RASGRP1: variants seen among roughly 807,000 people sequenced by gnomAD.
RASGRP1 encodes the protein RAS guanyl-releasing protein 1.
RASGRP1 carries 37 observed loss-of-function variants against 95.1 expected under a neutral mutation model. The ratio of observed to expected loss-of-function variants is 0.39; its 90% CI spans 0.30 to 0.51. The LOEUF is 0.51. Among genes scored for constraint, RASGRP1 ranks in the 20% least tolerant of loss-of-function variants. RASGRP1 has a pLI of 0.80. For synonymous variants in RASGRP1, 325 were observed against 353.4 expected (o/e 0.92, Z 0.90); for missense variants, 711 against 965.4 (o/e 0.74, Z 3.49).
intron 4 of RASGRP1, 124 bp downstream of exon 4, chr15:38,519,185 G>A: frequency 1.7e-6 from 1 of 605,022 alleles, no homozygotes; most frequent in Non-Finnish European, 2.7e-6. Context: ...TGTTATGAAG[G>A]ACTACCCTTT....
chr15:38,505,311 G>A (rs1377497607), intron 10 of RASGRP1, among the ~76,000 whole-genome samples: 1 of 152,142 alleles, frequency 6.6e-6, no homozygotes, highest in East Asian at 1.9e-4. Flanking sequence ...CAGCATAGGA[G>A]GTCAAAAGAC....
At chr15:38,502,495 A>T in intron 11 of RASGRP1, 74 bp from the exon 12 acceptor site, 1 of 913,322 alleles carries the variant, frequency 1.1e-6, no homozygotes, top group Non-Finnish European at 1.7e-6. Flanking sequence ...AATGACAAAG[A>T]GCTGGGGCAG....
chr15:38,499,203 T>G, intron 14 of RASGRP1: 1 of 618,070 alleles, frequency 1.6e-6, no homozygotes, highest in South Asian at 1.6e-5. Context: ...GAAGAGATGG[T>G]GTCCTGGTAT....
chr15:38,525,064 T>C (rs1892163078), intron 3 of RASGRP1, among the ~76,000 whole-genome samples: 2 of 151,538 alleles, frequency 1.3e-5, no homozygotes, highest in South Asian at 2.1e-4. Flanking sequence ...ACTTCCCAGG[T>C]TCAAGTGATT....
At chr15:38,496,679 T>C (rs1410340865) in intron 15 of RASGRP1, among the ~76,000 whole-genome samples, 1 of 152,230 alleles carries the variant, frequency 6.6e-6, no homozygotes, top group Non-Finnish European at 1.5e-5. Context: ...AGAGGATTTT[T>C]TCCCCCTAAG....
intron 2 of RASGRP1, among the ~76,000 whole-genome samples, chr15:38,527,725 G>A (rs1053914766): frequency 6.6e-6 from 1 of 152,098 alleles, no homozygotes; most frequent in African/African-American, 2.4e-5. Flanking sequence ...GGTAAATGAA[G>A]GACACAGTGC....
chr15:38,545,513 C>A (rs954994117), intron 2 of RASGRP1, among the ~76,000 whole-genome samples: 1 of 151,576 alleles, frequency 6.6e-6, no homozygotes, highest in Admixed American at 6.6e-5. Flanking sequence ...CTGGCCAAAT[C>A]TGAACCAAAG....
intron 1 of RASGRP1, among the ~76,000 whole-genome samples, chr15:38,560,767 G>A (rs1893771374): frequency 6.6e-6 from 1 of 152,056 alleles, no homozygotes; most frequent in African/African-American, 2.4e-5. Flanking sequence ...TCCTTACTTG[G>A]GTCCTGATTG....
intron 6 of RASGRP1, among the ~76,000 whole-genome samples, chr15:38,513,827 C>T (rs1426500874): frequency 6.6e-6 from 1 of 152,176 alleles, no homozygotes; most frequent in African/African-American, 2.4e-5. Flanking sequence ...CAACTCTTCC[C>T]TTCTCAACTC....
In RASGRP1 at chr15:38,535,643, A is replaced by T. The variant is rs115228583; in HGVS notation, c.221-9239T>A. On this transcript the variant is annotated intron_variant, in intron 2 of 16. Transcript: ENST00000310803. Reference sequence around the variant, plus strand: ...CTCTACTGCCTCAGCCAAACCAGACATCAACAGAAACGCTCCTCCCTGGGC... The same window carrying T: ...CTCTACTGCCTCAGCCAAACCAGACTTCAACAGAAACGCTCCTCCCTGGGC... Among the ~76,000 whole-genome samples, 1,319 of 152,264 alleles carry T rather than the reference A, an allele frequency of 8.7e-3. 20 individuals are homozygous for T. Among genetic ancestry groups the T allele is most frequent in the African/African-American group, 0.03 (1,257 of 41,544 alleles).
chr15:38,513,487 GGTT>G (rs1352845008), intron 6 of RASGRP1, among the ~76,000 whole-genome samples: 1 of 152,184 alleles, frequency 6.6e-6, no homozygotes, highest in Non-Finnish European at 1.5e-5. Context: ...ATATATGTAA[GGTT>G]GCGCTAATGG....
chr15:38,502,531 G>T, intron 11 of RASGRP1, 110 bp from the exon 12 acceptor site: 1 of 656,364 alleles, frequency 1.5e-6, no homozygotes, highest in Non-Finnish European at 2.6e-6. Context: ...TTAACAACCT[G>T]AACGAGAGGA....
At position 38,542,884 on chromosome 15, in the gene RASGRP1, CACATATATGTGTA is replaced by C. The variant is rs1595873924; in HGVS notation, c.221-16493_221-16481del. Reference sequence around the variant, plus strand: ...ATACACATATATGTGTATATATATACACATATATGTGTATATATATACACATATATATGTGTGT... The same window carrying C: ...ATACACATATATGTGTATATATATACTATATATACACATATATATGTGTGT... On this transcript the variant is annotated intron_variant, in intron 2 of 16. Coordinates refer to ENST00000310803, the MANE Select transcript of RASGRP1 (RefSeq NM_005739.4). Among the ~76,000 whole-genome samples the C allele has an allele frequency of 3.1e-5, 4 of 130,548 alleles. No homozygotes were observed. The East Asian group carries it at 8.8e-4, about 29-fold the overall frequency. 85.6% of individuals were successfully genotyped at this position (130,548 alleles called of 152,430 possible).
chr15:38,533,443 C>T (rs1488098950), intron 2 of RASGRP1, among the ~76,000 whole-genome samples: 1 of 152,182 alleles, frequency 6.6e-6, no homozygotes, highest in Non-Finnish European at 1.5e-5. Context: ...AAGATTATTA[C>T]ATTCATTAAA....
intron 2 of RASGRP1, among the ~76,000 whole-genome samples, chr15:38,542,209 C>T (rs989755644): frequency 2.0e-5 from 3 of 152,080 alleles, no homozygotes; most frequent in African/African-American, 7.2e-5. Flanking sequence ...AAACAACACA[C>T]TAAACTAAAA....
At chr15:38,492,799 T>C (rs1357509598) in intron 16 of RASGRP1, among the ~76,000 whole-genome samples, 1 of 152,160 alleles carries the variant, frequency 6.6e-6, no homozygotes, top group East Asian at 1.9e-4. Context: ...ATAGTAATGA[T>C]TGAACCTTCA....
At chr15:38,528,873 G>A (rs1278615284) in intron 2 of RASGRP1, among the ~76,000 whole-genome samples, 1 of 152,020 alleles carries the variant, frequency 6.6e-6, no homozygotes, top group Admixed American at 6.6e-5. Context: ...CCAATTCAAC[G>A]TCTAAGTTCA....
chr15:38,561,768 T>G (rs1414966639), intron 1 of RASGRP1, among the ~76,000 whole-genome samples: 2 of 152,228 alleles, frequency 1.3e-5, no homozygotes, highest in Non-Finnish European at 2.9e-5. Context: ...GGGCATCTGC[T>G]AACCCTAGGC....
At chr15:38,499,628 C>T (rs1226457471) in intron 14 of RASGRP1, among the ~76,000 whole-genome samples, 1 of 152,206 alleles carries the variant, frequency 6.6e-6, no homozygotes, top group Middle Eastern at 3.2e-3. Context: ...CTGAACTATG[C>T]TGAGAAGTTG....
Sources: gnomAD v4.1 joint callset for allele counts (sites outside exome capture counted in the v4.1 genomes callset) on GRCh38, gnomAD v4.1.1 for gene constraint, MANE v1.5 for transcripts, NCBI Gene and HGNC (gene_info 2026-07-23, HGNC 2026-07-21) for gene names.